Variants in SEMA5B observed in about 807,000 individuals in gnomAD.
SEMA5B encodes semaphorin-5B.
In SEMA5B, 66 loss-of-function variants were observed where a neutral mutation model predicts 135.0. The observed-to-expected ratio is 0.49, with a 90% CI of 0.40 to 0.60. SEMA5B has a LOEUF of 0.60. SEMA5B is among the 20% of genes least tolerant of loss of function. The pLI, the probability that SEMA5B is intolerant of heterozygous loss-of-function variation, is 0.00. For synonymous variants in SEMA5B, 690 were observed against 639.5 expected (o/e 1.08, Z -1.19); for missense variants, 1,501 against 1,566.3 (o/e 0.96, Z 0.70).
chr3:122,976,027 T>A, intron 1 of SEMA5B: 3 of 1,535,046 alleles, frequency 2.0e-6, no homozygotes, highest in Non-Finnish European at 2.6e-6. Context: ...TGCTTGCCCG[T>A]CCCTGTAGAA....
chr3:122,913,167 A>G, intron 17 of SEMA5B, 32 bp downstream of exon 17: 2 of 1,512,466 alleles, frequency 1.3e-6, no homozygotes, highest in South Asian at 1.3e-5. Context: ...GGGCTGGGAG[A>G]GAGGAAGGAG....
chr3:123,003,418 C>T (rs6774844), intron 1 of SEMA5B, among the ~76,000 whole-genome samples: 27,349 of 151,856 alleles, frequency 0.18, 4,416 homozygotes, highest in African/African-American at 0.44. Context: ...GAATAATTCA[C>T]ATGAGAGGAA....
intron 1 of SEMA5B, among the ~76,000 whole-genome samples, chr3:122,966,980 G>T (rs1323708320): frequency 2.6e-5 from 4 of 150,982 alleles, no homozygotes; most frequent in Non-Finnish European, 5.9e-5. Flanking sequence ...TGCCTCCTGG[G>T]TTCAAGCGAT....
At chr3:122,943,650 C>T in intron 3 of SEMA5B, 115 bp from the exon 4 acceptor site, 2 of 717,754 alleles carry the variant, frequency 2.8e-6, no homozygotes, top group Admixed American at 5.3e-5. Flanking sequence ...GCGGTGGCAC[C>T]CGGGAGACCT....
In SEMA5B at chr3:122,912,027, T is replaced by A; in HGVS notation, c.2939A>T (p.Asp980Val). 1 of 1,613,796 alleles carries A rather than the reference T, an allele frequency of 6.2e-7. No individual in the cohort carries two copies. The change falls in exon 20 of 23, where the codon GAC (aspartate) becomes GTC (valine). Residue 980 changes from aspartate to valine, a missense_variant. Physicochemically the swap from Asp to Val is radical, Grantham distance 152. Around this residue, in one of 2 missense-constraint regions of SEMA5B, gnomAD observed 927 missense variants for 881.6 expected, o/e 1.05. Transcript: ENST00000357599. ...GTGCCGGCTTCGGCTCTGGGCTCCG[T>A]CGTCAGTGCACTTACTCCACTCAGA... ...PWSEWSKCTD[D>V]GAQSRSRHCE...
intron 2 of SEMA5B, among the ~76,000 whole-genome samples, chr3:122,957,573 C>T (rs569365927): frequency 1.3e-4 from 20 of 152,320 alleles, no homozygotes; most frequent in African/African-American, 4.6e-4. Context: ...AGACAACCTA[C>T]GACCCTAAAA....
In SEMA5B at chr3:122,977,736, G is replaced by A. The variant is rs554130517; in HGVS notation, c.-38-16435C>T. Among the ~76,000 whole-genome samples the A allele has an allele frequency of 2.0e-5, 3 of 152,308 alleles. No individual in the cohort carries two copies. In the South Asian group the frequency reaches 6.2e-4, roughly 32 times the overall value. On this transcript the variant is annotated intron_variant, in intron 1 of 22. Transcript: ENST00000357599. Reference sequence around the variant, plus strand: ...CACAGTCAGCAAGTCTCAAACACTAGAGTACAAAAGTCTCACTGGGGAGAA... The same window carrying A: ...CACAGTCAGCAAGTCTCAAACACTAAAGTACAAAAGTCTCACTGGGGAGAA...
At position 122,915,838 on chromosome 3, in the gene SEMA5B, G is replaced by A. The variant is rs149599978; in HGVS notation, c.1741C>T (p.Arg581Cys). The change falls in exon 13 of 23, where the codon CGT becomes TGT. Residue 581 changes from arginine (R) to cysteine (C), a missense_variant. Transcript: ENST00000357599. ...GAGCTGTCCTCGAGTGTGCTGCAAC[G>A]TTGCTGCTTCCCGTCCCAGCCACAG... ...PYCGWDGKQQ[R>C]CSTLEDSSNM... 1.8e-4 allele frequency: 284 copies of A among 1,614,002 alleles called. 2 individuals carry two copies. The Middle Eastern group carries it at 4.8e-3, about 27-fold the overall frequency.
intron 1 of SEMA5B, among the ~76,000 whole-genome samples, chr3:122,971,664 G>A (rs1218963488): frequency 3.9e-5 from 6 of 152,280 alleles, no homozygotes; most frequent in African/African-American, 1.4e-4. Context: ...GCCCAGTGGG[G>A]AAGGTGTTCA....
At chr3:122,917,346 C>A (rs1031027833) in intron 12 of SEMA5B, among the ~76,000 whole-genome samples, 6 of 152,196 alleles carry the variant, frequency 3.9e-5, no homozygotes, top group Non-Finnish European at 5.9e-5. Flanking sequence ...GAGTTCACAA[C>A]ATTCTGTGAG....
At chr3:122,996,302 C>T (rs1302550557) in intron 1 of SEMA5B, among the ~76,000 whole-genome samples, 1 of 152,242 alleles carries the variant, frequency 6.6e-6, no homozygotes, top group Non-Finnish European at 1.5e-5. Context: ...ATCTGGGTGA[C>T]AAATGTACTA....
intron 1 of SEMA5B, chr3:122,975,216 A>G (rs1287414116): frequency 6.6e-6 from 1 of 152,512 alleles, no homozygotes; most frequent in Non-Finnish European, 1.5e-5. Context: ...CAGTGGAGTA[A>G]GGAGAGGCAC....
chr3:122,973,603 T>C (rs558233817), intron 1 of SEMA5B, among the ~76,000 whole-genome samples: 3 of 152,356 alleles, frequency 2.0e-5, no homozygotes, highest in South Asian at 4.1e-4. Flanking sequence ...TGGTTTATGT[T>C]ATCGCAGTTA....
intron 2 of SEMA5B, among the ~76,000 whole-genome samples, chr3:122,960,177 T>C (rs1940512935): frequency 6.6e-6 from 1 of 152,212 alleles, no homozygotes; most frequent in African/African-American, 2.4e-5. Flanking sequence ...ACCAATTCAG[T>C]TGCTCAGCAT....
chr3:122,932,243 ATTTTTTTTTTTT>A (rs71136597), intron 5 of SEMA5B, among the ~76,000 whole-genome samples: 13 of 85,392 alleles, frequency 1.5e-4, no homozygotes, highest in Non-Finnish European at 1.9e-4. Flanking sequence ...TCTCAATATG[ATTTTTTTTTTTT>A]TTTTTTTTTT....
At chr3:122,958,785 C>T (rs1306676612) in intron 2 of SEMA5B, among the ~76,000 whole-genome samples, 3 of 152,106 alleles carry the variant, frequency 2.0e-5, no homozygotes, top group Non-Finnish European at 4.4e-5. Flanking sequence ...GGGAGCCTCT[C>T]CTACCCCCAC....
chr3:122,912,377 G>C (rs1381430925), intron 18 of SEMA5B, 35 bp from the exon 19 acceptor site: 1 of 1,516,630 alleles, frequency 6.6e-7, no homozygotes, highest in South Asian at 1.3e-5. Context: ...GGGCTGTAGG[G>C]GCAGCCAGGG....
At chr3:122,962,541 A>G (rs1228559442) in intron 1 of SEMA5B, among the ~76,000 whole-genome samples, 2 of 152,268 alleles carry the variant, frequency 1.3e-5, no homozygotes, top group Non-Finnish European at 2.9e-5. Context: ...GGTGAACTGC[A>G]CTACAACAAA....
intron 17 of SEMA5B, 69 bp from the exon 18 acceptor site, chr3:122,913,130 G>T: frequency 7.0e-7 from 1 of 1,424,676 alleles, no homozygotes; most frequent in Non-Finnish European, 9.1e-7. Flanking sequence ...CCTCCCCGGG[G>T]CTCCCGCCCC....
Sources: gnomAD v4.1 joint callset for allele counts (sites outside exome capture counted in the v4.1 genomes callset) on GRCh38, gnomAD v4.1.1 for gene constraint, gnomAD v4.1.1 regional missense constraint, MANE v1.5 for transcripts, NCBI Gene and HGNC (gene_info 2026-07-23, HGNC 2026-07-21) for gene names.